The following GNG2 variants were observed in gnomAD, a reference collection of about 807,000 sequenced individuals.
GNG2 encodes guanine nucleotide-binding protein G(I)/G(S)/G(O) subunit gamma-2.
Under a neutral mutation model 5.5 loss-of-function variants are expected in GNG2, and 5 were observed. The observed-to-expected ratio is 0.91, with a 90% CI of 0.48 to 1.92. The LOEUF is 1.92. GNG2 is among the 30% of genes most tolerant of loss of function. The probability of loss-of-function intolerance (pLI) is 0.01; values close to 1 mark genes in which losing one functional copy is unlikely to be tolerated. For synonymous variants in GNG2, 28 were observed against 32.0 expected (o/e 0.88, Z 0.42); for missense variants, 55 against 88.4 (o/e 0.62, Z 1.52).
At chr14:51,866,291 G>A (rs572022934) in intron 1 of GNG2, among the ~76,000 whole-genome samples, 8 of 152,300 alleles carry the variant, frequency 5.3e-5, no homozygotes, top group African/African-American at 1.9e-4. Flanking sequence ...TCTCCGCAGG[G>A]CCATTGCTGT....
Position 51,919,670 on chromosome 14 carries a change from C to A in GNG2, c.-29-30980C>A, listed in dbSNP as rs80198733. Among the ~76,000 whole-genome samples, 1,171 of 152,322 alleles carry A rather than the reference C, an allele frequency of 7.7e-3. 18 individuals carry two copies. Among genetic ancestry groups the A allele is most frequent in the African/African-American group, 0.027 (1,116 of 41,566 alleles). On this transcript the variant is annotated intron_variant, in intron 2 of 3. Coordinates refer to ENST00000556766, the MANE Select transcript of GNG2 (RefSeq NM_053064.5). ...AAGGTAGATTTGTAAGGCAGCTGAGCTTTGGCTGATTGAGACTTGTTTGTT... is the reference window on the plus strand; with the variant it reads ...AAGGTAGATTTGTAAGGCAGCTGAGATTTGGCTGATTGAGACTTGTTTGTT...
chr14:51,931,499 G>A (rs1220805751), intron 2 of GNG2, among the ~76,000 whole-genome samples: 2 of 152,174 alleles, frequency 1.3e-5, no homozygotes, highest in Admixed American at 1.3e-4. Context: ...ACAAAATCGG[G>A]AGATGTAAGC....
At chr14:51,826,370 A>G (rs1402044768) in intron 1 of GNG2, 1 of 152,240 alleles carries the variant, frequency 6.6e-6, no homozygotes, top group Non-Finnish European at 1.5e-5. Flanking sequence ...ACTTTGCATT[A>G]GGTATTATAA....
At chr14:51,835,964 A>G (rs1881317788) in intron 2 of GNG2, among the ~76,000 whole-genome samples, 1 of 151,898 alleles carries the variant, frequency 6.6e-6, no homozygotes, top group Non-Finnish European at 1.5e-5. Context: ...TTAGTTCGGG[A>G]TGCTATACAG....
intron 2 of GNG2, among the ~76,000 whole-genome samples, chr14:51,889,135 T>G (rs1322762676): frequency 1.4e-5 from 2 of 143,470 alleles, no homozygotes; most frequent in Non-Finnish European, 3.0e-5. Context: ...TTTTTTGAGA[T>G]GGAGTCTCGC....
intron 2 of GNG2, chr14:51,918,622 C>A (rs1886804333): frequency 6.6e-6 from 1 of 151,982 alleles, no homozygotes; most frequent in African/African-American, 2.4e-5. Flanking sequence ...ACTTATATAA[C>A]ACAAAAATAA....
At chr14:51,961,341 A>G (rs948895096) in intron 3 of GNG2, among the ~76,000 whole-genome samples, 1 of 152,174 alleles carries the variant, frequency 6.6e-6, no homozygotes, top group African/African-American at 2.4e-5. Context: ...TACACCTGGC[A>G]TATTTGATGC....
At chr14:51,848,413 C>T (rs571287989) in intron 2 of GNG2, among the ~76,000 whole-genome samples, 58 of 152,264 alleles carry the variant, frequency 3.8e-4, no homozygotes, top group African/African-American at 1.2e-3. Context: ...GTATAGCCCC[C>T]GACTACTGCC....
At chr14:51,933,347 A>G (rs1337759923) in intron 2 of GNG2, among the ~76,000 whole-genome samples, 1 of 152,148 alleles carries the variant, frequency 6.6e-6, no homozygotes, top group African/African-American at 2.4e-5. Context: ...GCTGGGGGAA[A>G]CTATTTATAG....
At chr14:51,965,026 T>C (rs1484729586) in intron 3 of GNG2, among the ~76,000 whole-genome samples, 2 of 152,128 alleles carry the variant, frequency 1.3e-5, no homozygotes, top group African/African-American at 4.8e-5. Context: ...ATTATTTCAG[T>C]CGGACGAAGT....
chr14:51,827,618 T>C, intron 1 of GNG2: 1 of 678,734 alleles, frequency 1.5e-6, no homozygotes, highest in Non-Finnish European at 2.7e-6. Context: ...TAATTAAAGC[T>C]GTGATTAGTG....
At position 51,963,151 on chromosome 14, in the gene GNG2, G is replaced by A. The variant is rs187409099; in HGVS notation, c.88-3408G>A. On this transcript the variant is annotated intron_variant, in intron 3 of 3. Coordinates refer to ENST00000556766, the MANE Select transcript of GNG2 (RefSeq NM_053064.5). ...TACTGCTGGGATTCTGACACTGTTGGAGCATTGCCCACAGGAGATTGCAGT... is the reference window on the plus strand; with the variant it reads ...TACTGCTGGGATTCTGACACTGTTGAAGCATTGCCCACAGGAGATTGCAGT... 2.5e-3 allele frequency among the ~76,000 whole-genome samples: 384 copies of A among 152,308 alleles called. 3 individuals are homozygous for A. Among genetic ancestry groups the A allele is most frequent in the Admixed American group, 5.9e-3 (91 of 15,300 alleles).
At chr14:51,957,284 A>G (rs1440315883) in intron 3 of GNG2, among the ~76,000 whole-genome samples, 5 of 152,048 alleles carry the variant, frequency 3.3e-5, no homozygotes, top group African/African-American at 4.8e-5. Context: ...TTATTTCTCC[A>G]TCTTAAATAA....
At chr14:51,914,953 T>G (rs183914450) in intron 2 of GNG2, among the ~76,000 whole-genome samples, 2 of 152,346 alleles carry the variant, frequency 1.3e-5, no homozygotes, top group Non-Finnish European at 2.9e-5. Flanking sequence ...TACACTGTCA[T>G]CAGGCAAGGC....
chr14:51,944,350 GT>G (rs762298114), intron 2 of GNG2, among the ~76,000 whole-genome samples: 1 of 151,956 alleles, frequency 6.6e-6, no homozygotes, highest in East Asian at 1.9e-4. Context: ...GGAAACGGCT[GT>G]TTTTTTGCTG....
intron 1 of GNG2, among the ~76,000 whole-genome samples, chr14:51,870,859 A>G (rs1281182086): frequency 6.6e-6 from 1 of 152,202 alleles, no homozygotes; most frequent in African/African-American, 2.4e-5. Flanking sequence ...CTGTTATTAC[A>G]GTGTTTTGAC....
intron 2 of GNG2, among the ~76,000 whole-genome samples, chr14:51,879,098 G>A (rs921154983): frequency 5.9e-5 from 9 of 152,198 alleles, no homozygotes; most frequent in African/African-American, 2.2e-4. Flanking sequence ...TGAACATTGT[G>A]AACTACCGTG....
intron 2 of GNG2, among the ~76,000 whole-genome samples, chr14:51,944,844 A>G (rs1423021767): frequency 1.3e-5 from 2 of 152,222 alleles, no homozygotes; most frequent in African/African-American, 4.8e-5. Flanking sequence ...CGGAGTGAAA[A>G]GACAGTCCAC....
chr14:51,868,325 T>C (rs1412817130), intron 1 of GNG2, among the ~76,000 whole-genome samples: 2 of 152,048 alleles, frequency 1.3e-5, no homozygotes, highest in African/African-American at 2.4e-5. Context: ...GAGAGGGTAG[T>C]TTGAAAAAAA....
Sources: allele counts gnomAD v4.1 joint callset (sites outside exome capture counted in the v4.1 genomes callset), GRCh38; gene constraint gnomAD v4.1.1; transcripts MANE v1.5; gene names NCBI Gene and HGNC (gene_info 2026-07-23, HGNC 2026-07-21).